JAK1: variants seen among roughly 807,000 people sequenced by gnomAD.
JAK1 encodes the protein Janus kinase 1, also known as tyrosine-protein kinase JAK1.
In JAK1, 16 loss-of-function variants were observed where a neutral mutation model predicts 136.6. The observed-to-expected ratio is 0.12, with a 90% confidence interval of 0.08 to 0.18. The LOEUF (loss-of-function observed/expected upper bound fraction) is 0.18, where lower values mean the gene tolerates loss of function less well. Among genes scored for constraint, JAK1 ranks in the 10% least tolerant of loss-of-function variants. The probability of loss-of-function intolerance (pLI) is 1.00; values close to 1 mark genes in which losing one functional copy is unlikely to be tolerated. For synonymous variants in JAK1, 492 were observed against 519.5 expected, an observed-to-expected ratio of 0.95 and a Z score of 0.72; for missense variants, 859 against 1,450.1, an observed-to-expected ratio of 0.59 and a Z score of 6.62.
chr1:64,895,345 A>T (rs1644998558), intron 1 of JAK1, among the ~76,000 whole-genome samples: 1 of 152,198 alleles, frequency 6.6e-6, no homozygotes, highest in African/African-American at 2.4e-5. Flanking sequence ...TAAATGCTAA[A>T]CAAGACCCAC....
intron 8 of JAK1, among the ~76,000 whole-genome samples, chr1:64,861,907 G>T (rs1432967646): frequency 6.6e-6 from 1 of 152,178 alleles, no homozygotes; most frequent in African/African-American, 2.4e-5. Flanking sequence ...TGAACAAGGG[G>T]CAGGCTGGCC....
In JAK1 at chr1:64,893,162, C is replaced by T. The variant is rs181870614; in HGVS notation, c.-77-6821G>A. On this transcript the variant is annotated intron_variant, in intron 1 of 24. Transcript: ENST00000342505. Reference sequence around the variant, plus strand: ...TCTTTAAAAAAAATAAAAATAAAGGCCAGGAAGAAGGAAAATCACAAGCAC... The same window carrying T: ...TCTTTAAAAAAAATAAAAATAAAGGTCAGGAAGAAGGAAAATCACAAGCAC... Among the ~76,000 whole-genome samples the T allele has an allele frequency of 1.6e-4, 24 of 151,886 alleles. No individual in the cohort carries two copies. In the East Asian group the frequency reaches 3.7e-3, roughly 23 times the overall value.
At chr1:65,049,045 A>C (rs1557774299) in intron 1 of JAK1, among the ~76,000 whole-genome samples, 1 of 152,172 alleles carries the variant, frequency 6.6e-6, no homozygotes, top group African/African-American at 2.4e-5. Context: ...ATTCACTGTC[A>C]ATAGCCTTTT....
chr1:65,025,096 C>T (rs1251313114), intron 2 of JAK1, among the ~76,000 whole-genome samples: 1 of 152,196 alleles, frequency 6.6e-6, no homozygotes, highest in Non-Finnish European at 1.5e-5. Flanking sequence ...ATGGCTATAG[C>T]AGCTCCAGCC....
At chr1:64,848,851 G>C (rs1655408579) in intron 12 of JAK1, among the ~76,000 whole-genome samples, 1 of 152,112 alleles carries the variant, frequency 6.6e-6, no homozygotes. Context: ...TGTTAATCAG[G>C]TATATTAATT....
chr1:64,934,107 T>C (rs1045998121), intron 1 of JAK1, among the ~76,000 whole-genome samples: 1 of 149,888 alleles, frequency 6.7e-6, no homozygotes, highest in Non-Finnish European at 1.5e-5. Flanking sequence ...GGGGACAGGG[T>C]ATCTTAGGAA....
At chr1:64,896,808 A>G (rs1451446515) in intron 1 of JAK1, among the ~76,000 whole-genome samples, 1 of 152,222 alleles carries the variant, frequency 6.6e-6, no homozygotes, top group Non-Finnish European at 1.5e-5. Flanking sequence ...GATCGGATCC[A>G]GAGGACGGCA....
At chr1:65,047,694 G>T (rs570128234) in intron 1 of JAK1, among the ~76,000 whole-genome samples, 1 of 151,910 alleles carries the variant, frequency 6.6e-6, no homozygotes, top group Non-Finnish European at 1.5e-5. Context: ...ACTCCAGCCC[G>T]GGCAACAGAG....
At chr1:64,952,619 C>T (rs1569704199) in intron 1 of JAK1, among the ~76,000 whole-genome samples, 1 of 152,076 alleles carries the variant, frequency 6.6e-6, no homozygotes, top group African/African-American at 2.4e-5. Context: ...ATGTATTGCA[C>T]ACTAGAACAA....
At chr1:64,889,138 G>A (rs1434495240) in intron 1 of JAK1, among the ~76,000 whole-genome samples, 7 of 152,190 alleles carry the variant, frequency 4.6e-5, no homozygotes, top group Non-Finnish European at 1.0e-4. Flanking sequence ...TTTAGAGCAA[G>A]TAGAAAAGGA....
At chr1:64,927,766 A>G (rs1645606835) in intron 1 of JAK1, among the ~76,000 whole-genome samples, 1 of 152,232 alleles carries the variant, frequency 6.6e-6, no homozygotes, top group South Asian at 2.1e-4. Flanking sequence ...AGCAGCCACA[A>G]TGAACACATC....
At chr1:64,922,730 G>C (rs1645516301) in intron 1 of JAK1, among the ~76,000 whole-genome samples, 1 of 152,094 alleles carries the variant, frequency 6.6e-6, no homozygotes, top group Admixed American at 6.5e-5. Context: ...AATCTGAATA[G>C]AAAATGGTTG....
intron 3 of JAK1, among the ~76,000 whole-genome samples, chr1:64,881,597 T>C (rs566474096): frequency 1.3e-5 from 2 of 152,222 alleles, no homozygotes; most frequent in African/African-American, 4.8e-5. Flanking sequence ...ATTTCTGAAA[T>C]TGATGAGTTT....
chr1:65,027,774 T>C (rs1197990964), intron 2 of JAK1, among the ~76,000 whole-genome samples: 3 of 152,164 alleles, frequency 2.0e-5, no homozygotes, highest in Admixed American at 6.5e-5. Flanking sequence ...CCACGTTGCA[T>C]GGCAGTGGTC....
At chr1:64,958,054 G>GT (rs1003781651) in intron 1 of JAK1, among the ~76,000 whole-genome samples, 1 of 152,166 alleles carries the variant, frequency 6.6e-6, no homozygotes, top group African/African-American at 2.4e-5. Context: ...TTGCTGAATT[G>GT]TTTTTTCAAC....
At chr1:64,872,745 A>G (rs1167033805) in intron 5 of JAK1, among the ~76,000 whole-genome samples, 2 of 152,260 alleles carry the variant, frequency 1.3e-5, no homozygotes, top group African/African-American at 4.8e-5. Flanking sequence ...TGAAGGACAA[A>G]CAATAAAAAA....
At chr1:65,065,373 A>C (rs538953863) in intron 1 of JAK1, among the ~76,000 whole-genome samples, 1 of 152,178 alleles carries the variant, frequency 6.6e-6, no homozygotes, top group Admixed American at 6.5e-5. Context: ...ACAGATTTAC[A>C]TATTTTACAT....
At chr1:64,859,369 T>C (rs2101068300) in intron 9 of JAK1, among the ~76,000 whole-genome samples, 1 of 152,308 alleles carries the variant, frequency 6.6e-6, no homozygotes, top group Admixed American at 6.5e-5. Flanking sequence ...CAACTACAGC[T>C]CCATATCAGA....
At chr1:64,959,721 T>C (rs958923267) in intron 1 of JAK1, among the ~76,000 whole-genome samples, 2 of 152,222 alleles carry the variant, frequency 1.3e-5, no homozygotes, top group African/African-American at 2.4e-5. Context: ...CTAATTTACC[T>C]AGCACCTTTG....
Sources: gnomAD v4.1 joint callset for allele counts (sites outside exome capture counted in the v4.1 genomes callset) on GRCh38, gnomAD v4.1.1 for gene constraint, MANE v1.5 for transcripts, NCBI Gene and HGNC (gene_info 2026-07-23, HGNC 2026-07-21) for gene names.